The following MOXD1 variants were observed in gnomAD, a reference collection of about 807,000 sequenced individuals.
MOXD1 encodes DBH-like monooxygenase protein 1.
In MOXD1, 62 loss-of-function variants were observed where a neutral mutation model predicts 66.6. That is an observed-to-expected ratio of 0.93 (90% confidence interval 0.76 to 1.15). The LOEUF is 1.15. Among genes scored for constraint, MOXD1 ranks in the 50% most tolerant of loss-of-function variants. MOXD1 has a pLI of 0.00. For missense variants in MOXD1, 847 were observed against 754.6 expected (o/e 1.12, Z -1.44); for synonymous variants, 303 against 281.9 (o/e 1.07, Z -0.75).
At chr6:132,384,884 CTG>C (rs1776594140) in intron 1 of MOXD1, among the ~76,000 whole-genome samples, 1 of 152,138 alleles carries the variant, frequency 6.6e-6, no homozygotes, top group African/African-American at 2.4e-5. Context: ...GTATCTGTAT[CTG>C]TATCTCTGTA....
At chr6:132,312,166 T>C (rs1309404292) in intron 10 of MOXD1, among the ~76,000 whole-genome samples, 1 of 151,552 alleles carries the variant, frequency 6.6e-6, no homozygotes, top group African/African-American at 2.4e-5. Flanking sequence ...CAGACAGAAA[T>C]AGCACCCCCG....
chr6:132,401,308 C>G lies in MOXD1; in HGVS notation c.119G>C (p.Gly40Ala). The change falls in exon 1 of 12, where the codon GGC (glycine) becomes GCC (alanine). Residue 40 changes from glycine (G) to alanine (A), a missense_variant. Coordinates refer to ENST00000367963, the MANE Select transcript of MOXD1 (RefSeq NM_015529.4). The part of the protein sequence containing the change: ...LLDSEGKYWL[G>A]WSQRGSQIAF... ...GATCTGGCTGCCCCGCTGGCTCCAGCCCAGCCAGTACTTGCCCTCCGAGTC... is the reference window on the plus strand; with the variant it reads ...GATCTGGCTGCCCCGCTGGCTCCAGGCCAGCCAGTACTTGCCCTCCGAGTC... 1 of 1,595,420 alleles carries G rather than the reference C, an allele frequency of 6.3e-7. No individual in the cohort carries two copies. Among genetic ancestry groups the G allele is most frequent in the Non-Finnish European group, 8.5e-7 (1 of 1,175,840 alleles).
intron 9 of MOXD1, among the ~76,000 whole-genome samples, chr6:132,318,419 G>A (rs1336186110): frequency 2.0e-5 from 3 of 151,918 alleles, no homozygotes; most frequent in Non-Finnish European, 4.4e-5. Context: ...TTTATATTTG[G>A]TTTTAAACAA....
In MOXD1 at chr6:132,370,224, T is replaced by A. The variant is rs183698173; in HGVS notation, c.663+2384A>T. Among the ~76,000 whole-genome samples, 595 of 152,158 alleles carry A rather than the reference T, an allele frequency of 3.9e-3. 5 individuals are homozygous for A. The highest frequency in any genetic ancestry group is 0.034 in the Middle Eastern group (10 of 294). On this transcript the variant is annotated intron_variant, in intron 4 of 11. Transcript: ENST00000367963. ...GGAGTCTTTGATTTTATGGAAAGAA[T>A]ATACACTTTTCTTAAATTATTAGAA... is the stretch of plus-strand genomic sequence containing the variant.
chr6:132,373,495 T>C (rs1403908749), intron 2 of MOXD1, among the ~76,000 whole-genome samples: 1 of 152,240 alleles, frequency 6.6e-6, no homozygotes, highest in Non-Finnish European at 1.5e-5. Context: ...GTCACACGTA[T>C]ACATTTACAG....
chr6:132,328,364 G>T, intron 5 of MOXD1, 51 bp downstream of exon 5: 1 of 1,572,046 alleles, frequency 6.4e-7, no homozygotes, highest in East Asian at 2.3e-5. Flanking sequence ...TATTTGTGGC[G>T]GGAAATATGA....
intron 1 of MOXD1, chr6:132,392,219 G>T: frequency 6.3e-7 from 1 of 1,598,242 alleles, no homozygotes; most frequent in East Asian, 2.3e-5. Flanking sequence ...CACTTCCTCA[G>T]CAAGTGGCCC....
chr6:132,339,753 GAGA>G (rs757299370), intron 4 of MOXD1, among the ~76,000 whole-genome samples: 15 of 152,098 alleles, frequency 9.9e-5, no homozygotes, highest in Non-Finnish European at 1.5e-4. Flanking sequence ...GGATGTGAAA[GAGA>G]AACTGTGCTA....
intron 10 of MOXD1, among the ~76,000 whole-genome samples, chr6:132,304,488 T>G (rs1462901636): frequency 6.6e-6 from 1 of 152,166 alleles, no homozygotes; most frequent in African/African-American, 2.4e-5. Context: ...AAACCAAGAA[T>G]GGGCTGCTTG....
chr6:132,309,672 C>A (rs541295328), intron 10 of MOXD1, among the ~76,000 whole-genome samples: 1 of 150,366 alleles, frequency 6.7e-6, no homozygotes, highest in Admixed American at 6.6e-5. Flanking sequence ...CAAAAACAGA[C>A]ATGGAGCAGA....
chr6:132,332,829 T>C (rs904557435), intron 4 of MOXD1, among the ~76,000 whole-genome samples: 2 of 152,192 alleles, frequency 1.3e-5, no homozygotes, highest in Non-Finnish European at 2.9e-5. Context: ...TTTTAAACTA[T>C]GTTATGCTAT....
intron 1 of MOXD1, among the ~76,000 whole-genome samples, chr6:132,384,297 C>T (rs1309419638): frequency 1.7e-5 from 2 of 117,448 alleles, no homozygotes; most frequent in Admixed American, 8.4e-5. Context: ...TTCCTCCTTC[C>T]TTCCTCCCTC....
chr6:132,347,794 G>C (rs1263733411), intron 4 of MOXD1, among the ~76,000 whole-genome samples: 1 of 152,136 alleles, frequency 6.6e-6, no homozygotes, highest in Non-Finnish European at 1.5e-5. Flanking sequence ...GTGAACCATT[G>C]CTACAATGAA....
chr6:132,314,980 C>T (rs969509471), intron 10 of MOXD1, among the ~76,000 whole-genome samples: 8 of 152,108 alleles, frequency 5.3e-5, no homozygotes, highest in African/African-American at 1.9e-4. Context: ...AAGGATAATC[C>T]TTGGCAGGTG....
At chr6:132,298,168 G>A (rs1177265909) in intron 10 of MOXD1, among the ~76,000 whole-genome samples, 5 of 151,986 alleles carry the variant, frequency 3.3e-5, no homozygotes, top group Non-Finnish European at 1.5e-5. Flanking sequence ...GTAGCAGATT[G>A]GCATTAATTT....
chr6:132,381,983 G>T (rs922321144), intron 1 of MOXD1, among the ~76,000 whole-genome samples: 4 of 152,030 alleles, frequency 2.6e-5, no homozygotes, highest in African/African-American at 9.7e-5. Context: ...ATGCACTCAT[G>T]GTAAAGGCCA....
chr6:132,316,850 C>T (rs905812300), intron 9 of MOXD1, among the ~76,000 whole-genome samples: 1 of 151,678 alleles, frequency 6.6e-6, no homozygotes, highest in African/African-American at 2.4e-5. Flanking sequence ...AGGAAGAAGA[C>T]AAAAAGGTAG....
At position 132,315,823 on chromosome 6, in the gene MOXD1, T is replaced by C. The variant is rs151061298; in HGVS notation, c.1366-46A>G. On this transcript the variant is annotated intron_variant, in intron 9 of 11. Coordinates refer to ENST00000367963, the MANE Select transcript of MOXD1 (RefSeq NM_015529.4). ...TAGCAAAGTATGTGTTCTACCAACT[T>C]TGACATTTAAAGCACACAAGTCATT... 803 of 1,588,634 alleles carry C rather than the reference T, an allele frequency of 5.1e-4. 4 individuals are homozygous for C. In the African/African-American group the frequency reaches 8.3e-3, roughly 16 times the overall value.
At position 132,328,045 on chromosome 6, in the gene MOXD1, T is replaced by C; in HGVS notation, c.914A>G (p.Glu305Gly). The change falls in exon 6 of 12, where the codon GAA becomes GGA. Residue 305 changes from glutamate (E) to glycine (G), a missense_variant. Coordinates refer to ENST00000367963, the MANE Select transcript of MOXD1 (RefSeq NM_015529.4). ...TPLDPHYVLL[E>G]VHYDNPTYEE... Reference sequence around the variant, plus strand: ...ATAAGTGGGATTATCATAATGGACTTCTAGGAGCACATAATGCGGATCTAA... The same window carrying C: ...ATAAGTGGGATTATCATAATGGACTCCTAGGAGCACATAATGCGGATCTAA... 1 of 1,613,686 alleles carries C rather than the reference T, an allele frequency of 6.2e-7. No individual in the cohort carries two copies. Among genetic ancestry groups the C allele is most frequent in the African/African-American group, 1.3e-5 (1 of 75,008 alleles).
Sources: allele counts gnomAD v4.1 joint callset (sites outside exome capture counted in the v4.1 genomes callset), GRCh38; gene constraint gnomAD v4.1.1; transcripts MANE v1.5; gene names NCBI Gene and HGNC (gene_info 2026-07-23, HGNC 2026-07-21).